Variants in ADAMTS15 observed in about 807,000 individuals in gnomAD.
ADAMTS15 encodes ADAM metallopeptidase with thrombospondin type 1 motif 15, also known as A disintegrin and metalloproteinase with thrombospondin motifs 15.
In ADAMTS15, 35 loss-of-function variants were observed where a neutral mutation model predicts 79.1. The observed-to-expected ratio is 0.44, with a 90% confidence interval of 0.34 to 0.59. ADAMTS15 has a LOEUF of 0.59. ADAMTS15 is among the 20% of genes least tolerant of loss of function. The pLI is 0.02. For synonymous variants in ADAMTS15, 616 were observed against 567.3 expected (o/e 1.09, Z -1.22); for missense variants, 1,324 against 1,318.7 (o/e 1.00, Z -0.06).
intron 1 of ADAMTS15, among the ~76,000 whole-genome samples, chr11:130,456,182 A>G (rs991832969): frequency 1.3e-5 from 2 of 152,196 alleles, no homozygotes; most frequent in Non-Finnish European, 2.9e-5. Flanking sequence ...ATGAAGGCAG[A>G]TAAAACTCTC....
At position 130,449,216 on chromosome 11, in the gene ADAMTS15, T is replaced by G. The variant is rs1797673585; in HGVS notation, c.243T>G (p.Thr81=). ...AGTTCTTGGCTCCCGCCTTCTCCACTGAGCATCTGGGCGTCCCCCTCCAGG... is the reference window on the plus strand; with the variant it reads ...AGTTCTTGGCTCCCGCCTTCTCCACGGAGCATCTGGGCGTCCCCCTCCAGG... The part of the protein sequence containing the change: ...DAQFLAPAFS[T]EHLGVPLQGL... The change falls in exon 1 of 8, where the codon ACT becomes ACG. Residue 81 remains threonine (T), a synonymous_variant. Coordinates refer to ENST00000299164, the MANE Select transcript of ADAMTS15 (RefSeq NM_139055.4). The surrounding 1 kb of genome is among the most constrained non-coding windows in gnomAD (Gnocchi z 7.8). The G allele has an allele frequency of 6.2e-7, 1 of 1,613,986 alleles. No individual in the cohort carries two copies. Among genetic ancestry groups the G allele is most frequent in the African/African-American group, 1.3e-5 (1 of 74,942 alleles).
chr11:130,458,715 A>G (rs1938139350), intron 1 of ADAMTS15, among the ~76,000 whole-genome samples: 1 of 152,098 alleles, frequency 6.6e-6, no homozygotes, highest in African/African-American at 2.4e-5. Flanking sequence ...CGGAATCTAG[A>G]CTTCTTGATT....
chr11:130,455,913 A>G (rs974956275), intron 1 of ADAMTS15, among the ~76,000 whole-genome samples: 2 of 152,190 alleles, frequency 1.3e-5, no homozygotes, highest in Non-Finnish European at 2.9e-5. Context: ...CTCAGTGTCA[A>G]CCGGCACTTG....
At chr11:130,450,028 C>A (rs1315367527) in intron 1 of ADAMTS15, 98 bp downstream of exon 1, 4 of 1,522,076 alleles carry the variant, frequency 2.6e-6, no homozygotes, top group Non-Finnish European at 3.5e-6. Flanking sequence ...GCAATGCCTC[C>A]GAGTTTAAAC....
intron 4 of ADAMTS15, among the ~76,000 whole-genome samples, chr11:130,465,640 T>G (rs912945048): frequency 2.4e-4 from 36 of 151,980 alleles, no homozygotes; most frequent in African/African-American, 8.7e-4. Flanking sequence ...CCAAAACAAC[T>G]CTTATTAAGG....
chr11:130,451,740 A>G (rs1009480400), intron 1 of ADAMTS15, among the ~76,000 whole-genome samples: 2 of 152,170 alleles, frequency 1.3e-5, no homozygotes, highest in African/African-American at 4.8e-5. Context: ...AGTCAGCCCT[A>G]GGAGAAGAAC....
In ADAMTS15 at chr11:130,473,717, T is replaced by C. The variant is rs2134743832; in HGVS notation, c.2749T>C (p.Ser917Pro). Reference protein sequence around the residue: ...KSCGRGFQRRSLKCVGHGGRL... With the variant: ...KSCGRGFQRRPLKCVGHGGRL... ...CTGCGGCCGGGGATTTCAGAGGCGC[T>C]CACTCAAGTGTGTGGGCCACGGAGG... Residue 917 changes from serine (S) to proline (P), a missense_variant, in exon 8 of 8, where the codon TCA becomes CCA. Ser to Pro is a moderately conservative substitution (Grantham distance 74). Coordinates refer to ENST00000299164, the MANE Select transcript of ADAMTS15 (RefSeq NM_139055.4). 2 of 1,600,348 alleles carry C rather than the reference T, an allele frequency of 1.2e-6. No individual in the cohort carries two copies. The highest frequency in any genetic ancestry group is 2.2e-5 in the South Asian group (2 of 91,086).
In ADAMTS15 at chr11:130,462,276, G is replaced by T. The variant is rs780739023; in HGVS notation, c.1258+22G>T. ...CACGGTAAGCCAGGACGGCGGGAGG[G>T]CAATGAGGCCGCCTCGGAGGGGGCT... On this transcript the variant is annotated intron_variant, in intron 3 of 7. Coordinates refer to ENST00000299164, the MANE Select transcript of ADAMTS15 (RefSeq NM_139055.4). This position sits in a 1 kb window ranked among gnomAD's most constrained non-coding sequence, Gnocchi z 4.3. 1.9e-6 allele frequency: 3 copies of T among 1,600,806 alleles called. No homozygotes were observed. The highest frequency in any genetic ancestry group is 1.7e-5 in the Admixed American group (1 of 59,102).
Position 130,472,251 on chromosome 11 carries a change from C to T in ADAMTS15, c.2079-796C>T, listed in dbSNP as rs1379203133. Among the ~76,000 whole-genome samples the T allele has an allele frequency of 6.6e-6, 1 of 152,212 alleles. No individual in the cohort carries two copies. The highest frequency in any genetic ancestry group is 1.5e-5 in the Non-Finnish European group (1 of 68,042). On this transcript the variant is annotated intron_variant, in intron 7 of 7. Coordinates refer to ENST00000299164, the MANE Select transcript of ADAMTS15 (RefSeq NM_139055.4). This position sits in a 1 kb window ranked among gnomAD's most constrained non-coding sequence, Gnocchi z 4.7. Reference sequence around the variant, plus strand: ...CTGTCCTGGAGCCTTGACTGTGCCCCTGGACACGTCGCCCTCTCCTGAGCC... The same window carrying T: ...CTGTCCTGGAGCCTTGACTGTGCCCTTGGACACGTCGCCCTCTCCTGAGCC...
intron 1 of ADAMTS15, among the ~76,000 whole-genome samples, chr11:130,455,169 A>G (rs970336347): frequency 6.6e-5 from 10 of 152,218 alleles, no homozygotes; most frequent in Admixed American, 5.2e-4. Context: ...GGGCTGTTGC[A>G]CAGATAAGTG....
chr11:130,471,436 G>T (rs1938456563), intron 7 of ADAMTS15, 53 bp downstream of exon 7: 1 of 1,571,212 alleles, frequency 6.4e-7, no homozygotes, highest in African/African-American at 1.4e-5. Flanking sequence ...GGGAGGTGGA[G>T]TTTCCCAGGG....
At chr11:130,465,801 G>T (rs1938287792) in intron 4 of ADAMTS15, among the ~76,000 whole-genome samples, 1 of 151,354 alleles carries the variant, frequency 6.6e-6, no homozygotes, top group South Asian at 2.1e-4. Context: ...TCCTCACGCT[G>T]CCCCTCCCCT....
In ADAMTS15 at chr11:130,472,445, T is replaced by G. The variant is rs980068077; in HGVS notation, c.2079-602T>G. On this transcript the variant is annotated intron_variant, in intron 7 of 7. Coordinates refer to ENST00000299164, the MANE Select transcript of ADAMTS15 (RefSeq NM_139055.4). This position sits in a 1 kb window ranked among gnomAD's most constrained non-coding sequence, Gnocchi z 4.7. The stretch of plus-strand genomic sequence containing the variant: ...TGCCTCACTGGTTAAGTGGCAGATG[T>G]TCCTTTTACAGCCTGTTGGAGCTGG... Among the ~76,000 whole-genome samples the G allele has an allele frequency of 3.9e-5, 6 of 152,226 alleles. No homozygotes were observed. The highest frequency in any genetic ancestry group is 1.2e-4 in the African/African-American group (5 of 41,454).
At chr11:130,458,656 G>A (rs1565393018) in intron 1 of ADAMTS15, among the ~76,000 whole-genome samples, 1 of 152,230 alleles carries the variant, frequency 6.6e-6, no homozygotes, top group South Asian at 2.1e-4. Flanking sequence ...GCCCCGAAGA[G>A]AGAGGACTTG....
Position 130,449,665 on chromosome 11 carries a change from T to G in ADAMTS15, c.692T>G (p.Val231Gly), listed in dbSNP as rs1455108890. 6.3e-7 allele frequency: 1 copy of G among 1,593,706 alleles called. No homozygotes were observed. The highest frequency in any genetic ancestry group is 8.5e-7 in the Non-Finnish European group (1 of 1,171,026). The change falls in exon 1 of 8, where the codon GTC (valine) becomes GGC (glycine). Residue 231 changes from valine to glycine, a missense_variant. Coordinates refer to ENST00000299164, the MANE Select transcript of ADAMTS15 (RefSeq NM_139055.4). This position sits in a 1 kb window ranked among gnomAD's most constrained non-coding sequence, Gnocchi z 7.8. The part of the protein sequence containing the change: ...ETLVVADESM[V>G]KFHGADLEHY... ...CTGGTGGTCGCGGACGAGTCAATGG[T>G]CAAGTTCCACGGCGCGGACCTGGAA...
At position 130,476,318 on chromosome 11, in the gene ADAMTS15, A is replaced by G. The variant is rs545932504; in HGVS notation, c.*2497A>G. 3.3e-5 allele frequency: 5 copies of G among 152,322 alleles called. No individual in the cohort carries two copies. In the South Asian group the frequency reaches 8.3e-4, roughly 25 times the overall value. 9.4% of individuals were successfully genotyped at this position (152,322 alleles called of 1,614,324 possible). A position where few individuals can be genotyped will look rare whatever the true frequency, so the allele number is the denominator to read the frequency against. On this transcript the variant is annotated 3_prime_UTR_variant, in exon 8 of 8. Coordinates refer to ENST00000299164, the MANE Select transcript of ADAMTS15 (RefSeq NM_139055.4). ...CAGGATTCCCTAGCCTCCTCTGCCC[A>G]TCGCGTGCACTGATTGGAGGAGTCT...
At chr11:130,464,320 C>G (rs2134729738) in intron 4 of ADAMTS15, among the ~76,000 whole-genome samples, 1 of 152,328 alleles carries the variant, frequency 6.6e-6, no homozygotes, top group Admixed American at 6.5e-5. Flanking sequence ...TCTACCTCCT[C>G]AACCTCTTTT....
intron 1 of ADAMTS15, among the ~76,000 whole-genome samples, chr11:130,456,043 C>G (rs1938071844): frequency 6.6e-6 from 1 of 152,180 alleles, no homozygotes; most frequent in Admixed American, 6.5e-5. Context: ...TCACTCTGCG[C>G]CCTTCCTCTC....
At chr11:130,456,576 G>A (rs1453684299) in intron 1 of ADAMTS15, among the ~76,000 whole-genome samples, 1 of 152,232 alleles carries the variant, frequency 6.6e-6, no homozygotes, top group Non-Finnish European at 1.5e-5. Context: ...ATACAGTGAT[G>A]CATGGCAGAG....
Sources: gnomAD v4.1 joint callset for allele counts (sites outside exome capture counted in the v4.1 genomes callset) on GRCh38, gnomAD v4.1.1 for gene constraint, Gnocchi (gnomAD v3.1) non-coding constraint, MANE v1.5 for transcripts, NCBI Gene and HGNC (gene_info 2026-07-23, HGNC 2026-07-21) for gene names.